DENND1A: variants seen among roughly 807,000 people sequenced by gnomAD.
DENND1A encodes DENN domain-containing protein 1A.
A neutral mutation model predicts 113.7 loss-of-function variants in DENND1A; 51 were observed. The observed-to-expected ratio is 0.45, with a 90% confidence interval of 0.36 to 0.57. DENND1A has a LOEUF of 0.57. DENND1A is among the 20% of genes least tolerant of loss of function. The probability of loss-of-function intolerance (pLI) is 0.00; values close to 1 mark genes in which losing one functional copy is unlikely to be tolerated. For synonymous variants in DENND1A, 565 were observed against 570.8 expected, an observed-to-expected ratio of 0.99 and a Z score of 0.14; for missense variants, 1,258 against 1,395.9, an observed-to-expected ratio of 0.90 and a Z score of 1.57.
chr9:123,435,801 C>T (rs1043321294), intron 19 of DENND1A, among the ~76,000 whole-genome samples: 1 of 152,220 alleles, frequency 6.6e-6, no homozygotes. Context: ...AGAGGTGCTG[C>T]TGCTGCTGGA....
At chr9:123,413,506 C>A in intron 19 of DENND1A, 2 of 985,464 alleles carry the variant, frequency 2.0e-6, no homozygotes, top group Non-Finnish European at 2.4e-6. Flanking sequence ...CCCACTACTC[C>A]TGGAGGGCAG....
At chr9:123,619,268 G>C (rs1454066834) in intron 10 of DENND1A, among the ~76,000 whole-genome samples, 1 of 152,176 alleles carries the variant, frequency 6.6e-6, no homozygotes, top group Admixed American at 6.5e-5. Context: ...TTTATAATAA[G>C]AATGTATTAC....
chr9:123,534,979 C>T (rs946519216), intron 13 of DENND1A, among the ~76,000 whole-genome samples: 3 of 152,036 alleles, frequency 2.0e-5, no homozygotes, highest in Non-Finnish European at 4.4e-5. Flanking sequence ...TTCAAAAGGA[C>T]AAAAAGTTGG....
At chr9:123,906,845 C>T (rs1443975493) in intron 1 of DENND1A, among the ~76,000 whole-genome samples, 2 of 81,496 alleles carry the variant, frequency 2.5e-5, no homozygotes, top group African/African-American at 4.9e-5. Flanking sequence ...GGAATCCTCC[C>T]TAACTCATTT....
At chr9:123,800,638 G>A (rs1008440392) in intron 2 of DENND1A, among the ~76,000 whole-genome samples, 1 of 152,096 alleles carries the variant, frequency 6.6e-6, no homozygotes, top group African/African-American at 2.4e-5. Flanking sequence ...ACTACAACAT[G>A]TTTTCATGAA....
rs1396448184 is a variant in DENND1A at position 123,632,876 on chromosome 9, C to T, written c.619-2400G>A. Among the ~76,000 whole-genome samples the T allele has an allele frequency of 3.9e-5, 6 of 151,986 alleles. No homozygotes were observed. The East Asian group carries it at 1.2e-3, about 29-fold the overall frequency. ...TTCCTCTTCAAAGTCTTCCCTGGTT[C>T]CCTGTGCATAGGCACCTATTATAAT... On this transcript the variant is annotated intron_variant, in intron 9 of 23. Coordinates refer to ENST00000394215, the MANE Select transcript of DENND1A (RefSeq NM_001352964.2).
At chr9:123,590,356 A>G (rs1243749902) in intron 11 of DENND1A, among the ~76,000 whole-genome samples, 1 of 152,188 alleles carries the variant, frequency 6.6e-6, no homozygotes, top group African/African-American at 2.4e-5. Flanking sequence ...TCGTGAATGA[A>G]TGAATGAGAG....
At chr9:123,625,292 C>T (rs1166938530) in intron 10 of DENND1A, among the ~76,000 whole-genome samples, 1 of 152,224 alleles carries the variant, frequency 6.6e-6, no homozygotes, top group African/African-American at 2.4e-5. Context: ...TCAACGCCAT[C>T]ACAGATGTAA....
intron 5 of DENND1A, among the ~76,000 whole-genome samples, chr9:123,687,971 C>G (rs1372265774): frequency 6.6e-6 from 1 of 152,220 alleles, no homozygotes; most frequent in African/African-American, 2.4e-5. Context: ...CAAGATCCAC[C>G]TAGGTGCAAG....
chr9:123,486,718 C>A (rs1325352540), intron 13 of DENND1A, among the ~76,000 whole-genome samples: 1 of 152,212 alleles, frequency 6.6e-6, no homozygotes, highest in Non-Finnish European at 1.5e-5. Flanking sequence ...TCCCTGATAT[C>A]CAACTCCTCA....
At chr9:123,514,106 G>GTGTC (rs1381992040) in intron 13 of DENND1A, among the ~76,000 whole-genome samples, 6 of 53,394 alleles carry the variant, frequency 1.1e-4, no homozygotes, top group African/African-American at 2.5e-4. Context: ...GTATGTGTGT[G>GTGTC]TGTCTGTGTG....
At chr9:123,420,069 T>A (rs1266554925) in intron 19 of DENND1A, among the ~76,000 whole-genome samples, 1 of 152,186 alleles carries the variant, frequency 6.6e-6, no homozygotes. Flanking sequence ...AGAGGGATAT[T>A]CCTTGCAAGA....
intron 12 of DENND1A, among the ~76,000 whole-genome samples, chr9:123,558,403 T>C (rs1264869993): frequency 1.3e-5 from 2 of 152,180 alleles, no homozygotes; most frequent in African/African-American, 4.8e-5. Flanking sequence ...CTTATACTAA[T>C]AGACATGTAC....
At chr9:123,790,118 A>G (rs1191920072) in intron 3 of DENND1A, among the ~76,000 whole-genome samples, 14 of 152,170 alleles carry the variant, frequency 9.2e-5, no homozygotes, top group Admixed American at 8.5e-4. Flanking sequence ...GATTAAGTGC[A>G]TATTCAGCAT....
At chr9:123,754,135 T>C (rs900683819) in intron 5 of DENND1A, among the ~76,000 whole-genome samples, 4 of 152,164 alleles carry the variant, frequency 2.6e-5, no homozygotes, top group Non-Finnish European at 5.9e-5. Flanking sequence ...GAAGGGTGAT[T>C]GGACCTCAAG....
At chr9:123,618,138 T>A (rs759620408) in intron 10 of DENND1A, among the ~76,000 whole-genome samples, 75 of 152,144 alleles carry the variant, frequency 4.9e-4, no homozygotes, top group Non-Finnish European at 1.0e-3. Flanking sequence ...GCACATACTG[T>A]CCCTGGTGCC....
chr9:123,564,304 A>C (rs957116674), intron 12 of DENND1A, among the ~76,000 whole-genome samples: 2 of 152,218 alleles, frequency 1.3e-5, no homozygotes, highest in Non-Finnish European at 2.9e-5. Flanking sequence ...CAGACTATTG[A>C]GTGTTCACCT....
At chr9:123,810,997 G>A (rs558788947) in intron 2 of DENND1A, among the ~76,000 whole-genome samples, 1 of 152,164 alleles carries the variant, frequency 6.6e-6, no homozygotes, top group African/African-American at 2.4e-5. Context: ...GACCTCAGGT[G>A]ATGCACCCAC....
At chr9:123,506,963 A>C (rs1343994131) in intron 13 of DENND1A, among the ~76,000 whole-genome samples, 2 of 152,208 alleles carry the variant, frequency 1.3e-5, no homozygotes, top group African/African-American at 4.8e-5. Flanking sequence ...AGGCAGGCAG[A>C]TAACTTGAGG....
Sources: gnomAD v4.1 joint callset for allele counts (sites outside exome capture counted in the v4.1 genomes callset) on GRCh38, gnomAD v4.1.1 for gene constraint, MANE v1.5 for transcripts, NCBI Gene and HGNC (gene_info 2026-07-23, HGNC 2026-07-21) for gene names.